Variants in DSG4 observed in about 807,000 individuals in gnomAD.
DSG4 encodes desmoglein-4.
DSG4 carries 87 observed loss-of-function variants against 93.1 expected under a neutral mutation model. That is an observed-to-expected ratio of 0.93 (90% CI 0.79 to 1.12). The LOEUF is 1.12. DSG4 is among the 50% of genes most tolerant of loss of function. The probability of loss-of-function intolerance (pLI) is 0.00; values close to 1 mark genes in which losing one functional copy is unlikely to be tolerated. For synonymous variants in DSG4, 432 were observed against 452.9 expected (o/e 0.95, Z 0.59); for missense variants, 1,373 against 1,285.7 (o/e 1.07, Z -1.04).
At position 31,391,108 on chromosome 18, in the gene DSG4, G is replaced by A. The variant is rs146853509; in HGVS notation, c.715G>A (p.Gly239Ser). Residue 239 changes from glycine to serine, a missense_variant, in exon 7 of 16, where the codon GGC (glycine) becomes AGC (serine). Coordinates refer to ENST00000308128, the MANE Select transcript of DSG4 (RefSeq NM_177986.5). ...QHSMYNLVVRGSDRDGAADGL... is the reference protein window; with the variant it reads ...QHSMYNLVVRSSDRDGAADGL... ...CAGTATGTACAACCTGGTTGTGAGA[G>A]GCTCAGATCGGGATGGAGCTGCAGA... The A allele has an allele frequency of 1.5e-3, 2,451 of 1,613,712 alleles. 40 individuals carry two copies. Among genetic ancestry groups the A allele is most frequent in the Non-Finnish European group, 1.1e-4 (135 of 1,179,744 alleles).
intron 12 of DSG4, among the ~76,000 whole-genome samples, chr18:31,408,565 G>A (rs1037130185): frequency 6.6e-6 from 1 of 152,078 alleles, no homozygotes; most frequent in Non-Finnish European, 1.5e-5. Flanking sequence ...TTTAATTTTT[G>A]TGGGTACATA....
intron 12 of DSG4, among the ~76,000 whole-genome samples, chr18:31,407,710 T>G (rs1305220676): frequency 6.6e-6 from 1 of 152,180 alleles, no homozygotes; most frequent in Non-Finnish European, 1.5e-5. Context: ...ATCTGTGAGG[T>G]TTCAAAGCTA....
chr18:31,387,836 G>A (rs1378666017), intron 3 of DSG4, among the ~76,000 whole-genome samples: 1 of 152,030 alleles, frequency 6.6e-6, no homozygotes, highest in Non-Finnish European at 1.5e-5. Flanking sequence ...AATCTGTGTG[G>A]CAGAATATTT....
At chr18:31,379,684 C>T (rs2072114122) in intron 1 of DSG4, among the ~76,000 whole-genome samples, 1 of 152,180 alleles carries the variant, frequency 6.6e-6, no homozygotes, top group Non-Finnish European at 1.5e-5. Context: ...GCTGTTATCT[C>T]ATTGCAAGTT....
chr18:31,388,535 C>G lies in DSG4; in HGVS notation c.372+13C>G. On this transcript the variant is annotated intron_variant, in intron 4 of 15. Transcript: ENST00000308128. ...TCCACTTTTCTTGGTAAGTCATAGC[C>G]ATATGTTTTGATTTGTTCATATTAG... is the stretch of plus-strand genomic sequence containing the variant. 1 of 1,612,894 alleles carries G rather than the reference C, an allele frequency of 6.2e-7. No homozygotes were observed. The highest frequency in any genetic ancestry group is 8.5e-7 in the Non-Finnish European group (1 of 1,179,294).
At position 31,386,847 on chromosome 18, in the gene DSG4, A is replaced by G. The variant is rs778125387; in HGVS notation, c.216+28A>G. 2.5e-6 allele frequency: 4 copies of G among 1,612,288 alleles called. No individual in the cohort carries two copies. In the South Asian group the frequency reaches 4.4e-5, roughly 18 times the overall value. ...AAGTGATGAAGCAATCTGATGACAA[A>G]TGCTTTTGCAGAGCAGGGAAGCTTT... On this transcript the variant is annotated intron_variant, in intron 3 of 15. Coordinates refer to ENST00000308128, the MANE Select transcript of DSG4 (RefSeq NM_177986.5).
chr18:31,411,223 C>T lies in DSG4; in HGVS notation c.2138-8C>T, dbSNP rs370937910. 138 of 1,613,554 alleles carry T rather than the reference C, an allele frequency of 8.6e-5. No individual in the cohort carries two copies. Among genetic ancestry groups the T allele is most frequent in the South Asian group, 5.6e-4 (51 of 91,038 alleles). On this transcript the variant is annotated splice_region_variant and splice_polypyrimidine_tract_variant and intron_variant, in intron 14 of 15. Transcript: ENST00000308128. ...CAGCGCTGTTAAACCAACATCCTCC[C>T]TTTTCAGAAATCTACACCAACACCT... is the stretch of plus-strand genomic sequence containing the variant.
intron 14 of DSG4, among the ~76,000 whole-genome samples, chr18:31,410,408 T>C (rs1020399165): frequency 5.3e-5 from 8 of 151,740 alleles, no homozygotes; most frequent in African/African-American, 1.9e-4. Context: ...TGTATGTGTG[T>C]CTATATATAT....
chr18:31,412,749 C>T (rs1423925488), intron 15 of DSG4, 79 bp from the exon 16 acceptor site: 1 of 1,456,386 alleles, frequency 6.9e-7, no homozygotes, highest in Non-Finnish European at 9.5e-7. Flanking sequence ...ACTCAGAAGT[C>T]TCTCTGAGGG....
At position 31,409,468 on chromosome 18, in the gene DSG4, G is replaced by A. The variant is rs757956891; in HGVS notation, c.1950G>A (p.Leu650=). ...CTTGGGCAGTGGCTCCACTCTTGCT[G>A]CTCCTGTGTTGCTGCAAACAGAGAC... is the stretch of plus-strand genomic sequence containing the variant. The part of the protein sequence containing the change: ...ILLLILAPLL[L]LLCCCKQRQP... The change falls in exon 13 of 16, where the codon CTG becomes CTA. Residue 650 remains leucine, a synonymous_variant. Transcript: ENST00000308128. 6.2e-7 allele frequency: 1 copy of A among 1,614,188 alleles called. No individual in the cohort carries two copies. Among genetic ancestry groups the A allele is most frequent in the South Asian group, 1.1e-5 (1 of 91,060 alleles).
rs140213167 is a variant in DSG4, at chr18:31,392,419, T to C, written c.1005+79T>C. 201 of 1,471,678 alleles carry C rather than the reference T, an allele frequency of 1.4e-4. No individual in the cohort carries two copies. The African/African-American group carries it at 2.3e-3, about 17-fold the overall frequency. 91.2% of individuals were successfully genotyped at this position (1,471,678 alleles called of 1,614,324 possible). ...GTTTTAAATGACCTTAGAGACAGAATCTGCCTTTAAAAAAAAGTACTTCAT... is the reference window on the plus strand; with the variant it reads ...GTTTTAAATGACCTTAGAGACAGAACCTGCCTTTAAAAAAAAGTACTTCAT... On this transcript the variant is annotated intron_variant, in intron 8 of 15. Transcript: ENST00000308128.
chr18:31,392,348 A>G lies in DSG4; in HGVS notation c.1005+8A>G, dbSNP rs1243824177. 5 of 1,613,182 alleles carry G rather than the reference A, an allele frequency of 3.1e-6. No individual in the cohort carries two copies. Among genetic ancestry groups the G allele is most frequent in the Admixed American group, 1.7e-5 (1 of 59,964 alleles). On this transcript the variant is annotated splice_region_variant and intron_variant, in intron 8 of 15. Coordinates refer to ENST00000308128, the MANE Select transcript of DSG4 (RefSeq NM_177986.5). Reference sequence around the variant, plus strand: ...ATTTTGAAAGTTGTCAAGGTACAGTATAAGGATCTGCAATATTTTCTTCCA... The same window carrying G: ...ATTTTGAAAGTTGTCAAGGTACAGTGTAAGGATCTGCAATATTTTCTTCCA...
intron 1 of DSG4, among the ~76,000 whole-genome samples, chr18:31,378,482 T>A (rs1342077674): frequency 6.6e-6 from 1 of 152,196 alleles, no homozygotes; most frequent in African/African-American, 2.4e-5. Flanking sequence ...AGGCATGATT[T>A]ATGATAATAT....
chr18:31,380,012 T>A (rs2072117299), intron 1 of DSG4, among the ~76,000 whole-genome samples: 1 of 152,200 alleles, frequency 6.6e-6, no homozygotes, highest in African/African-American at 2.4e-5. Flanking sequence ...TTTGTTGATA[T>A]AAGTGGCTAA....
chr18:31,391,758 G>A (rs2072252553), intron 7 of DSG4, among the ~76,000 whole-genome samples: 3 of 151,930 alleles, frequency 2.0e-5, no homozygotes, highest in Admixed American at 2.0e-4. Flanking sequence ...GCTTTGTGCT[G>A]CAACAGCAGA....
At chr18:31,398,282 A>G (rs532434639) in intron 8 of DSG4, among the ~76,000 whole-genome samples, 1 of 152,288 alleles carries the variant, frequency 6.6e-6, no homozygotes, top group South Asian at 2.1e-4. Flanking sequence ...CTCAAACCTC[A>G]AGGGTTTTGG....
At chr18:31,409,335 A>G in intron 12 of DSG4, 117 bp from the exon 13 acceptor site, 1 of 1,472,788 alleles carries the variant, frequency 6.8e-7, no homozygotes, top group Non-Finnish European at 9.4e-7. Context: ...TTTCTTACAT[A>G]TATTTGTATT....
rs143991666 is a variant in DSG4 at position 31,406,084 on chromosome 18, G to A, written c.1644G>A (p.Ser548=). The change falls in exon 12 of 16, where the codon TCG becomes TCA. Residue 548 remains serine, a synonymous_variant. Transcript: ENST00000308128. Reference sequence around the variant, plus strand: ...TCCTCTCTTCCATTTCAGCTACCTCGGCAATCCTTACGGCTAAGCAGGTTT... The same window carrying A: ...TCCTCTCTTCCATTTCAGCTACCTCAGCAATCCTTACGGCTAAGCAGGTTT... ...MWDVRSTNAT[S]AILTAKQVLS... 2.0e-4 allele frequency: 322 copies of A among 1,613,814 alleles called. 4 individuals carry two copies. The South Asian group carries it at 3.2e-3, about 16-fold the overall frequency.
At chr18:31,384,719 C>T (rs971834507) in intron 1 of DSG4, among the ~76,000 whole-genome samples, 28 of 152,134 alleles carry the variant, frequency 1.8e-4, no homozygotes, top group Admixed American at 1.5e-3. Context: ...CTGGAACATC[C>T]GCTGACTTAG....
Sources: allele counts gnomAD v4.1 joint callset (sites outside exome capture counted in the v4.1 genomes callset), GRCh38; gene constraint gnomAD v4.1.1; transcripts MANE v1.5; gene names NCBI Gene and HGNC (gene_info 2026-07-23, HGNC 2026-07-21).